Variants in VPS13A observed in about 807,000 individuals in gnomAD.
VPS13A encodes vacuolar protein sorting 13 homolog A, also known as intermembrane lipid transfer protein VPS13A.
A neutral mutation model predicts 390.9 loss-of-function variants in VPS13A; 264 were observed. The observed-to-expected ratio is 0.68, with a 90% CI of 0.61 to 0.75. The LOEUF (loss-of-function observed/expected upper bound fraction) is 0.75. Among genes scored for constraint, VPS13A ranks in the 30% least tolerant of loss-of-function variants. VPS13A has a pLI of 0.00. For missense variants in VPS13A, 3,409 were observed against 3,733.9 expected (o/e 0.91, Z 2.27); for synonymous variants, 1,231 against 1,227.1 (o/e 1.00, Z -0.07).
At chr9:77,247,664 T>C (rs976444338) in intron 20 of VPS13A, among the ~76,000 whole-genome samples, 3 of 152,082 alleles carry the variant, frequency 2.0e-5, no homozygotes, top group South Asian at 4.1e-4. Context: ...GATTGATTGA[T>C]TGACTGATTG....
chr9:77,351,277 C>G, intron 52 of VPS13A, 40 bp from the exon 53 acceptor site: 1 of 1,607,070 alleles, frequency 6.2e-7, no homozygotes, highest in Non-Finnish European at 8.5e-7. Context: ...TCTTCGTGTA[C>G]TTGCATTTAA....
chr9:77,199,983 G>A lies in VPS13A; in HGVS notation c.139G>A (p.Ala47Thr). ...ALKNLQIKENALSQLDVPFKV... is the reference protein window; with the variant it reads ...ALKNLQIKENTLSQLDVPFKV... ...CAAGAATCTTCAAATTAAAGAAAATGCCCTGGTAGGTTTTGACTATGAAAA... is the reference window on the plus strand; with the variant it reads ...CAAGAATCTTCAAATTAAAGAAAATACCCTGGTAGGTTTTGACTATGAAAA... The change falls in exon 2 of 72, where the codon GCC becomes ACC. Residue 47 changes from alanine (A) to threonine (T), a missense_variant. Physicochemically the swap from Ala to Thr is moderately conservative, Grantham distance 58. Transcript: ENST00000360280. 1 of 1,607,832 alleles carries A rather than the reference G, an allele frequency of 6.2e-7. No individual in the cohort carries two copies. The highest frequency in any genetic ancestry group is 8.5e-7 in the Non-Finnish European group (1 of 1,176,766).
chr9:77,286,835 A>G (rs972825437), intron 31 of VPS13A, among the ~76,000 whole-genome samples: 18 of 152,166 alleles, frequency 1.2e-4, no homozygotes, highest in Admixed American at 3.3e-4. Flanking sequence ...GGCAGCCTAC[A>G]TTCCAGAAGC....
chr9:77,200,758 A>G (rs1825285628), intron 2 of VPS13A, among the ~76,000 whole-genome samples: 1 of 152,164 alleles, frequency 6.6e-6, no homozygotes, highest in Admixed American at 6.5e-5. Context: ...GTCATATTCA[A>G]GAAGTCTTTA....
chr9:77,225,262 T>G (rs11145343), intron 13 of VPS13A, among the ~76,000 whole-genome samples: 16,469 of 152,174 alleles, frequency 0.11, 957 homozygotes, highest in Middle Eastern at 0.13. Flanking sequence ...GATTTACGAT[T>G]ATATATCTTT....
At chr9:77,215,200 G>C (rs1822789476) in intron 10 of VPS13A, among the ~76,000 whole-genome samples, 1 of 152,154 alleles carries the variant, frequency 6.6e-6, no homozygotes, top group Non-Finnish European at 1.5e-5. Flanking sequence ...AATAAAAGTT[G>C]GTGATGGATA....
At chr9:77,257,261 G>T (rs994664507) in intron 22 of VPS13A, among the ~76,000 whole-genome samples, 7 of 151,862 alleles carry the variant, frequency 4.6e-5, no homozygotes, top group African/African-American at 4.8e-5. Flanking sequence ...TTTAGACAGG[G>T]TCTTGTTCTG....
intron 59 of VPS13A, among the ~76,000 whole-genome samples, chr9:77,364,800 T>A (rs1016409055): frequency 6.6e-6 from 1 of 152,226 alleles, no homozygotes; most frequent in Non-Finnish European, 1.5e-5. Context: ...TTGTTGTTGT[T>A]TAAATTTTAT....
Position 77,318,420 on chromosome 9 carries a change from A to G in VPS13A, c.5142A>G (p.Glu1714=), listed in dbSNP as rs1829531665. The change falls in exon 41 of 72, where the codon GAA becomes GAG. Residue 1714 remains glutamate, a synonymous_variant. Transcript: ENST00000360280. ...CTGAAAAAATAGCTCCCACAACTGA[A>G]TTGGTACCCAAAGGCGAGATGATAA... is the stretch of plus-strand genomic sequence containing the variant. ...NETEKIAPTT[E]LVPKGEMIKM... 2 of 1,613,878 alleles carry G rather than the reference A, an allele frequency of 1.2e-6. No homozygotes were observed. The highest frequency in any genetic ancestry group is 4.5e-5 in the East Asian group (2 of 44,838).
chr9:77,385,124 T>C, intron 68 of VPS13A: 1 of 966,874 alleles, frequency 1.0e-6, no homozygotes, highest in South Asian at 4.6e-5. Flanking sequence ...TTTAATGTTT[T>C]ATATTTATCA....
chr9:77,306,414 T>TTGTGTGTGTGTGTGTGTG (rs60382346), intron 34 of VPS13A, among the ~76,000 whole-genome samples: 22 of 140,878 alleles, frequency 1.6e-4, no homozygotes, highest in African/African-American at 4.5e-4. Flanking sequence ...GTGTGTGTGT[T>TTGTGTGTGTGTGTGTGTG]TGTGTGTGTG....
chr9:77,357,493 T>G (rs188203298), intron 55 of VPS13A, among the ~76,000 whole-genome samples, 199 bp from the exon 56 acceptor site: 63 of 152,210 alleles, frequency 4.1e-4, no homozygotes, highest in African/African-American at 1.5e-3. Flanking sequence ...TTTTAGTACA[T>G]TTATGTAAAA....
chr9:77,184,691 A>AT (rs111729963), intron 1 of VPS13A, among the ~76,000 whole-genome samples: 15,675 of 152,118 alleles, frequency 0.1, 829 homozygotes, highest in Middle Eastern at 0.13. Context: ...TTATCACAGG[A>AT]TTTTTTTCTT....
At chr9:77,411,045 A>T (rs924176480) in intron 71 of VPS13A, among the ~76,000 whole-genome samples, 1 of 152,122 alleles carries the variant, frequency 6.6e-6, no homozygotes, top group African/African-American at 2.4e-5. Context: ...GAAGTAAAGC[A>T]CTCCTCAGCA....
intron 19 of VPS13A, among the ~76,000 whole-genome samples, chr9:77,238,969 T>A (rs752310552): frequency 2.4e-4 from 37 of 152,178 alleles, no homozygotes; most frequent in Admixed American, 1.3e-4. Flanking sequence ...AAAAAAAATG[T>A]TCCTCATATG....
At chr9:77,387,415 G>C (rs1219216280) in intron 68 of VPS13A, among the ~76,000 whole-genome samples, 2 of 152,154 alleles carry the variant, frequency 1.3e-5, no homozygotes, top group African/African-American at 4.8e-5. Flanking sequence ...TTATGTTCCA[G>C]ATTTCTGCAC....
chr9:77,292,200 C>T (rs1162468999), intron 31 of VPS13A, among the ~76,000 whole-genome samples: 1 of 152,172 alleles, frequency 6.6e-6, no homozygotes, highest in Non-Finnish European at 1.5e-5. Flanking sequence ...CCGTCTTTCT[C>T]AAGAGCTCCT....
Position 77,315,480 on chromosome 9 carries a change from T to G in VPS13A, c.4630+10T>G. On this transcript the variant is annotated intron_variant, in intron 38 of 71. Coordinates refer to ENST00000360280, the MANE Select transcript of VPS13A (RefSeq NM_033305.3). ...ACTGCTAAGGAAGAAGGTTAGTTATTGGCTAAAATATTTAATATTTGTTTT... is the reference window on the plus strand; with the variant it reads ...ACTGCTAAGGAAGAAGGTTAGTTATGGGCTAAAATATTTAATATTTGTTTT... The G allele has an allele frequency of 6.2e-7, 1 of 1,612,120 alleles. No individual in the cohort carries two copies. The highest frequency in any genetic ancestry group is 8.5e-7 in the Non-Finnish European group (1 of 1,178,374).
intron 12 of VPS13A, among the ~76,000 whole-genome samples, chr9:77,220,728 C>A (rs990415988): frequency 1.3e-5 from 2 of 152,020 alleles, no homozygotes; most frequent in African/African-American, 4.8e-5. Context: ...CTATCAGATA[C>A]ACTGAACCAA....
Sources: gnomAD v4.1 joint callset for allele counts (sites outside exome capture counted in the v4.1 genomes callset) on GRCh38, gnomAD v4.1.1 for gene constraint, MANE v1.5 for transcripts, NCBI Gene and HGNC (gene_info 2026-07-23, HGNC 2026-07-21) for gene names.